Variants in IMMP2L observed in about 807,000 individuals in gnomAD.
IMMP2L encodes mitochondrial inner membrane protease subunit 2.
Under a neutral mutation model 19.3 loss-of-function variants are expected in IMMP2L, and 18 were observed. The observed-to-expected ratio is 0.93, with a 90% CI of 0.64 to 1.38. The LOEUF (loss-of-function observed/expected upper bound fraction) is 1.38. IMMP2L is among the 40% of genes most tolerant of loss of function. The pLI, the probability that IMMP2L is intolerant of heterozygous loss-of-function variation, is 0.00. For missense variants in IMMP2L, 233 were observed against 218.2 expected (o/e 1.07, Z -0.43); for synonymous variants, 76 against 73.0 (o/e 1.04, Z -0.21).
intron 5 of IMMP2L, among the ~76,000 whole-genome samples, chr7:110,864,779 T>G (rs1314442935): frequency 1.3e-5 from 2 of 152,032 alleles, no homozygotes; most frequent in Non-Finnish European, 2.9e-5. Flanking sequence ...CCAATTAAAA[T>G]TGTCTACTTA....
At chr7:111,224,423 C>T (rs1345069337) in intron 3 of IMMP2L, among the ~76,000 whole-genome samples, 1 of 152,022 alleles carries the variant, frequency 6.6e-6, no homozygotes, top group Non-Finnish European at 1.5e-5. Context: ...CTGCTAATGA[C>T]ATTTTAGAGA....
rs574373670 is a variant in IMMP2L, at chr7:110,857,919, G to A, written c.408+28674C>T. ...TACACCACTCAGCATTAACTCCATC[G>A]CCTTGTAAGAGATGATATACATTCG... On this transcript the variant is annotated intron_variant, in intron 5 of 5. Transcript: ENST00000405709. Among the ~76,000 whole-genome samples, 20 of 152,028 alleles carry A rather than the reference G, an allele frequency of 1.3e-4. No individual in the cohort carries two copies. In the East Asian group the frequency reaches 3.7e-3, roughly 28 times the overall value.
chr7:111,481,929 T>C (rs1842225582), intron 3 of IMMP2L, among the ~76,000 whole-genome samples: 1 of 152,190 alleles, frequency 6.6e-6, no homozygotes, highest in Non-Finnish European at 1.5e-5. Flanking sequence ...GCACTGCTTA[T>C]GCCTGTAGTC....
At chr7:111,468,802 T>G (rs905236305) in intron 3 of IMMP2L, among the ~76,000 whole-genome samples, 8 of 152,092 alleles carry the variant, frequency 5.3e-5, no homozygotes, top group African/African-American at 1.9e-4. Context: ...AAAGACTCTG[T>G]GTCTAACTGG....
chr7:111,202,297 G>A (rs950398779), intron 3 of IMMP2L, among the ~76,000 whole-genome samples: 1 of 152,164 alleles, frequency 6.6e-6, no homozygotes, highest in Admixed American at 6.5e-5. Context: ...AAAGGAAGCT[G>A]TTAACTGGAG....
intron 3 of IMMP2L, among the ~76,000 whole-genome samples, chr7:111,255,585 A>C (rs548749766): frequency 1.3e-5 from 2 of 152,066 alleles, no homozygotes; most frequent in African/African-American, 4.8e-5. Flanking sequence ...TGCATGTATC[A>C]TTTTACCCTA....
rs1421898696 is a variant in IMMP2L, at chr7:110,792,230, A to T, written c.408+94363T>A. Among the ~76,000 whole-genome samples the T allele has an allele frequency of 2.6e-5, 4 of 151,562 alleles. No individual in the cohort carries two copies. In the East Asian group the frequency reaches 7.7e-4, roughly 29 times the overall value. ...TTTAGCTAATAATCTAACTTCTCAGAATCTAATTTTCTTACATGAAAAGGG... is the reference window on the plus strand; with the variant it reads ...TTTAGCTAATAATCTAACTTCTCAGTATCTAATTTTCTTACATGAAAAGGG... On this transcript the variant is annotated intron_variant, in intron 5 of 5. Coordinates refer to ENST00000405709, the MANE Select transcript of IMMP2L (RefSeq NM_032549.4).
chr7:110,886,371 A>C (rs1224733335), intron 5 of IMMP2L, among the ~76,000 whole-genome samples: 2 of 152,054 alleles, frequency 1.3e-5, no homozygotes, highest in East Asian at 3.8e-4. Flanking sequence ...GAAGTGTCTG[A>C]GTTTTTTTTC....
chr7:111,555,695 G>T, intron 1 of IMMP2L, among the ~76,000 whole-genome samples: 1 of 151,668 alleles, frequency 6.6e-6, no homozygotes, highest in African/African-American at 2.4e-5. Flanking sequence ...ATGTCCCCTA[G>T]GTTTACCTAT....
At chr7:111,423,905 T>A (rs1374361185) in intron 3 of IMMP2L, among the ~76,000 whole-genome samples, 1 of 151,846 alleles carries the variant, frequency 6.6e-6, no homozygotes, top group Non-Finnish European at 1.5e-5. Flanking sequence ...AGTGAAACTT[T>A]TTTAAGTAAA....
chr7:111,410,892 A>T (rs561133909), intron 3 of IMMP2L, among the ~76,000 whole-genome samples: 3 of 151,776 alleles, frequency 2.0e-5, no homozygotes, highest in Non-Finnish European at 2.9e-5. Flanking sequence ...AGTCTTGGTA[A>T]CATGTGAGGG....
In IMMP2L at chr7:110,964,125, C is replaced by T. The variant is rs759238191; in HGVS notation, c.240-560G>A. Among the ~76,000 whole-genome samples the T allele has an allele frequency of 1.2e-4, 19 of 152,100 alleles. No individual in the cohort carries two copies. In the East Asian group the frequency reaches 2.1e-3, roughly 17 times the overall value. ...CTCACTTCCCCGTATCCTTCTGCTA[C>T]GATTGCAAGTTTCCTGAGAACTTCA... On this transcript the variant is annotated intron_variant, in intron 3 of 5. Coordinates refer to ENST00000405709, the MANE Select transcript of IMMP2L (RefSeq NM_032549.4).
chr7:111,440,212 T>C (rs1264980597), intron 3 of IMMP2L, among the ~76,000 whole-genome samples: 3 of 151,892 alleles, frequency 2.0e-5, no homozygotes, highest in Non-Finnish European at 4.4e-5. Context: ...ATCCCATGAA[T>C]CAGTTCTTAA....
intron 3 of IMMP2L, among the ~76,000 whole-genome samples, chr7:110,970,316 A>C (rs1421227264): frequency 6.6e-6 from 1 of 152,138 alleles, no homozygotes; most frequent in East Asian, 1.9e-4. Context: ...GAATAGTGCA[A>C]TCTTCAAGTA....
intron 5 of IMMP2L, among the ~76,000 whole-genome samples, chr7:110,811,218 A>C (rs1385153844): frequency 6.6e-6 from 1 of 152,090 alleles, no homozygotes; most frequent in East Asian, 1.9e-4. Context: ...ATTGCTTTTT[A>C]GCAATTTTCT....
intron 3 of IMMP2L, among the ~76,000 whole-genome samples, chr7:111,356,335 A>G (rs1178683760): frequency 1.3e-5 from 2 of 152,140 alleles, no homozygotes; most frequent in Non-Finnish European, 2.9e-5. Context: ...TCTTGTCATT[A>G]TCCCCCAAAC....
chr7:110,920,657 C>T (rs1452400949), intron 4 of IMMP2L, among the ~76,000 whole-genome samples: 1 of 152,108 alleles, frequency 6.6e-6, no homozygotes, highest in Non-Finnish European at 1.5e-5. Flanking sequence ...CTTTACCAAG[C>T]TTCTATGTAT....
chr7:111,046,466 T>A (rs531789850), intron 3 of IMMP2L, among the ~76,000 whole-genome samples: 5 of 151,802 alleles, frequency 3.3e-5, no homozygotes, highest in African/African-American at 1.2e-4. Context: ...AATAAAGATA[T>A]ATAGAAAAGT....
intron 3 of IMMP2L, among the ~76,000 whole-genome samples, chr7:111,472,383 T>A (rs1841348155): frequency 6.6e-6 from 1 of 152,162 alleles, no homozygotes; most frequent in Admixed American, 6.6e-5. Flanking sequence ...TGCTCATTAA[T>A]GTAATATTCA....
Sources: allele counts gnomAD v4.1 joint callset (sites outside exome capture counted in the v4.1 genomes callset), GRCh38; gene constraint gnomAD v4.1.1; transcripts MANE v1.5; gene names NCBI Gene and HGNC (gene_info 2026-07-23, HGNC 2026-07-21).